DPP6: variants seen among roughly 807,000 people sequenced by gnomAD.
DPP6 encodes dipeptidyl peptidase like 6.
In DPP6, 69 loss-of-function variants were observed where a neutral mutation model predicts 122.6. The observed-to-expected ratio is 0.56, with a 90% CI of 0.46 to 0.69. The LOEUF is 0.69. DPP6 is among the 30% of genes least tolerant of loss of function. The pLI is 0.00. For synonymous variants in DPP6, 418 were observed against 433.1 expected (o/e 0.97, Z 0.43); for missense variants, 928 against 1,116.9 (o/e 0.83, Z 2.41).
rs191118618 is a variant in DPP6, at chr7:154,589,567, G to A, written c.627+22651G>A. Among the ~76,000 whole-genome samples, 198 of 152,358 alleles carry A rather than the reference G, an allele frequency of 1.3e-3. 1 individual carries two copies. The highest frequency in any genetic ancestry group is 2.2e-3 in the Admixed American group (34 of 15,300). ...TACAGTTGCACTGGCCAAGATGGTG[G>A]CATTACCCACACGTGGCTCTTGAGC... On this transcript the variant is annotated intron_variant, in intron 5 of 25. Coordinates refer to ENST00000377770, the MANE Select transcript of DPP6 (RefSeq NM_130797.4).
intron 3 of DPP6, among the ~76,000 whole-genome samples, chr7:154,524,944 A>AT (rs1476138846): frequency 6.6e-6 from 1 of 152,048 alleles, no homozygotes; most frequent in Non-Finnish European, 1.5e-5. Context: ...GGAAACATCC[A>AT]TTTTTTCAAG....
chr7:153,825,215 T>C, the DPP6 span, among the ~76,000 whole-genome samples: 1 of 152,210 alleles, frequency 6.6e-6, no homozygotes, highest in Non-Finnish European at 1.5e-5. Context: ...CGTCTGTGTC[T>C]TCTATTAATT....
At chr7:154,364,000 G>C (rs1357100603) in intron 1 of DPP6, among the ~76,000 whole-genome samples, 1 of 152,280 alleles carries the variant, frequency 6.6e-6, no homozygotes, top group South Asian at 2.1e-4. Flanking sequence ...TCAGGGCGGT[G>C]GGGAGTGTGT....
At chr7:154,746,383 G>A (rs566716528) in intron 8 of DPP6, among the ~76,000 whole-genome samples, 11 of 152,226 alleles carry the variant, frequency 7.2e-5, no homozygotes, top group East Asian at 1.9e-4. Context: ...ATATGATGCC[G>A]GCCTTCCTTG....
At chr7:154,690,519 A>G (rs6597409) in intron 7 of DPP6, among the ~76,000 whole-genome samples, 148,216 of 152,196 alleles carry the variant, frequency 0.97, 72,277 homozygotes, top group East Asian at 1. Context: ...AGACTGTAGG[A>G]CTTCATGACC....
chr7:154,688,870 C>A (rs1839779694), intron 7 of DPP6, among the ~76,000 whole-genome samples: 1 of 152,182 alleles, frequency 6.6e-6, no homozygotes, highest in Non-Finnish European at 1.5e-5. Context: ...TCCCTCAATC[C>A]AATCAAGTTG....
intron 5 of DPP6, among the ~76,000 whole-genome samples, chr7:154,590,031 G>C (rs1832708932): frequency 6.6e-6 from 1 of 152,166 alleles, no homozygotes; most frequent in African/African-American, 2.4e-5. Flanking sequence ...ATGGGAAGAG[G>C]GGATGCAGAG....
At chr7:153,809,432 G>A in the DPP6 span, among the ~76,000 whole-genome samples, 42,718 of 151,014 alleles carry the variant, frequency 0.28, 6,139 homozygotes, top group South Asian at 0.34. Flanking sequence ...TGCTCAAAGC[G>A]GGATTGATGA....
At chr7:154,194,482 A>G (rs1465184995) in intron 1 of DPP6, among the ~76,000 whole-genome samples, 4 of 152,182 alleles carry the variant, frequency 2.6e-5, no homozygotes, top group African/African-American at 9.7e-5. Flanking sequence ...CTCAATCAAG[A>G]TGCTGAATGT....
chr7:154,032,340 TGG>T (rs1799287100), intron 1 of DPP6, among the ~76,000 whole-genome samples: 1 of 152,140 alleles, frequency 6.6e-6, no homozygotes. Context: ...GAAGCCTGTG[TGG>T]CTGGGGCCTG....
intron 10 of DPP6, among the ~76,000 whole-genome samples, chr7:154,773,325 G>C (rs1052779290): frequency 1.3e-5 from 2 of 152,146 alleles, no homozygotes; most frequent in African/African-American, 4.8e-5. Flanking sequence ...TTAGAGCATG[G>C]AGCAATTTGC....
intron 2 of DPP6, among the ~76,000 whole-genome samples, chr7:154,470,389 G>T (rs912064984): frequency 6.6e-6 from 1 of 152,172 alleles, no homozygotes; most frequent in Non-Finnish European, 1.5e-5. Flanking sequence ...CACAAAAGCA[G>T]AATCTCACAG....
chr7:154,297,602 T>C (rs1805627491), intron 1 of DPP6, among the ~76,000 whole-genome samples: 1 of 152,224 alleles, frequency 6.6e-6, no homozygotes, highest in Admixed American at 6.5e-5. Context: ...ACTGTATCAA[T>C]TTTGGCTTGG....
At chr7:153,825,411 A>T in the DPP6 span, among the ~76,000 whole-genome samples, 3 of 152,092 alleles carry the variant, frequency 2.0e-5, no homozygotes, top group Non-Finnish European at 2.9e-5. Context: ...TCAGGCTGCT[A>T]TGGAGGCACA....
chr7:154,270,493 A>G (rs1803714013), intron 1 of DPP6, among the ~76,000 whole-genome samples: 1 of 152,184 alleles, frequency 6.6e-6, no homozygotes, highest in South Asian at 2.1e-4. Flanking sequence ...CATGGGCTCC[A>G]GCTCACCAAG....
At chr7:154,214,159 C>T (rs75332648) in intron 1 of DPP6, among the ~76,000 whole-genome samples, 158 of 152,368 alleles carry the variant, frequency 1.0e-3, no homozygotes, top group African/African-American at 3.5e-3. Flanking sequence ...ACTATCAGCA[C>T]ACTTCACACA....
At chr7:153,799,370 G>T in the DPP6 span, among the ~76,000 whole-genome samples, 2 of 152,158 alleles carry the variant, frequency 1.3e-5, no homozygotes, top group African/African-American at 4.8e-5. Context: ...TTTGTACGAT[G>T]AAGACATATT....
chr7:154,731,797 A>G (rs966387112), intron 8 of DPP6, among the ~76,000 whole-genome samples: 3 of 152,246 alleles, frequency 2.0e-5, no homozygotes, highest in Non-Finnish European at 4.4e-5. Context: ...TTGTTTATTC[A>G]TAAACTAAAC....
chr7:154,062,699 G>A (rs1425642130), intron 1 of DPP6, among the ~76,000 whole-genome samples: 94 of 64,048 alleles, frequency 1.5e-3, no homozygotes, highest in African/African-American at 8.1e-3. Context: ...CCTCTCTTCC[G>A]CACCTGGCTG....
Sources: allele counts gnomAD v4.1 joint callset (sites outside exome capture counted in the v4.1 genomes callset), GRCh38; gene constraint gnomAD v4.1.1; transcripts MANE v1.5; gene names NCBI Gene and HGNC (gene_info 2026-07-23, HGNC 2026-07-21).